Variants in PCDHGA2 observed in about 807,000 individuals in gnomAD.
PCDHGA2 encodes protocadherin gamma-A2.
PCDHGA2 carries 40 observed loss-of-function variants against 59.2 expected under a neutral mutation model. The observed-to-expected ratio is 0.68, with a 90% CI of 0.52 to 0.88. The LOEUF (loss-of-function observed/expected upper bound fraction) is 0.88, where lower values mean the gene tolerates loss of function less well. Among genes scored for constraint, PCDHGA2 ranks in the 40% least tolerant of loss-of-function variants. The pLI, the probability that PCDHGA2 is intolerant of heterozygous loss-of-function variation, is 0.00. For synonymous variants in PCDHGA2, 560 were observed against 526.0 expected, an observed-to-expected ratio of 1.06 and a Z score of -0.89; for missense variants, 1,226 against 1,204.0, an observed-to-expected ratio of 1.02 and a Z score of -0.27.
intron 1 of PCDHGA2, among the ~76,000 whole-genome samples, chr5:141,457,938 G>A (rs915640623): frequency 6.6e-6 from 1 of 152,160 alleles, no homozygotes; most frequent in African/African-American, 2.4e-5. Flanking sequence ...GCTTTTATTG[G>A]CTCTGCATGT....
At position 141,477,053 on chromosome 5, in the gene PCDHGA2, G is replaced by C; in HGVS notation, c.2425-17754G>C. ...GACAATCAAGGGTCGGCTGGACTTC[G>C]AGGACACCAAACTCCATGAGATTTA... On this transcript the variant is annotated intron_variant, in intron 1 of 3. Coordinates refer to ENST00000394576, the MANE Select transcript of PCDHGA2 (RefSeq NM_018915.4). This position sits in a 1 kb window ranked among gnomAD's most constrained non-coding sequence, Gnocchi z 4.9. The C allele has an allele frequency of 6.2e-7, 1 of 1,614,230 alleles. No homozygotes were observed. Among genetic ancestry groups the C allele is most frequent in the Non-Finnish European group, 8.5e-7 (1 of 1,180,032 alleles).
chr5:141,477,778 C>A lies in PCDHGA2; in HGVS notation c.2425-17029C>A. The stretch of plus-strand genomic sequence containing the variant: ...TCCTAGCCACCAACATCAGCGTGAA[C>A]ATATTTGTCACTGATCGCAATGACA... On this transcript the variant is annotated intron_variant, in intron 1 of 3. Coordinates refer to ENST00000394576, the MANE Select transcript of PCDHGA2 (RefSeq NM_018915.4). The surrounding 1 kb of genome is among the most constrained non-coding windows in gnomAD (Gnocchi z 4.9). The A allele has an allele frequency of 6.2e-7, 1 of 1,614,052 alleles. No individual in the cohort carries two copies. The highest frequency in any genetic ancestry group is 8.5e-7 in the Non-Finnish European group (1 of 1,180,040).
chr5:141,400,133 C>T, intron 1 of PCDHGA2: 1 of 1,614,066 alleles, frequency 6.2e-7, no homozygotes, highest in Non-Finnish European at 8.5e-7. Context: ...GAGGTGCTGC[C>T]GGATATCACT....
intron 1 of PCDHGA2, chr5:141,350,420 C>T: frequency 6.2e-7 from 1 of 1,606,742 alleles, no homozygotes; most frequent in Non-Finnish European, 8.5e-7. Flanking sequence ...GGATCTGGGG[C>T]TCAGTGTCCG....
At chr5:141,361,847 G>A (rs763425262) in intron 1 of PCDHGA2, 2 of 1,612,544 alleles carry the variant, frequency 1.2e-6, no homozygotes, top group South Asian at 1.1e-5. Context: ...GGGCCTGATG[G>A]CTCCGCCCTC....
intron 1 of PCDHGA2, chr5:141,341,608 C>T: frequency 1.0e-6 from 1 of 965,244 alleles, no homozygotes; most frequent in Non-Finnish European, 1.5e-6. Context: ...TGAATGTAAA[C>T]CAGGAGTTAA....
intron 1 of PCDHGA2, among the ~76,000 whole-genome samples, chr5:141,402,587 T>C (rs2094282900): frequency 1.3e-5 from 2 of 152,228 alleles, no homozygotes; most frequent in Non-Finnish European, 2.9e-5. Flanking sequence ...ATCTAAAAAA[T>C]AGATTGCTTT....
intron 3 of PCDHGA2, among the ~76,000 whole-genome samples, chr5:141,509,518 T>A (rs1441963133): frequency 6.6e-6 from 1 of 152,170 alleles, no homozygotes; most frequent in Non-Finnish European, 1.5e-5. Context: ...GTTGATGATG[T>A]ATTGCACAGG....
At chr5:141,481,077 G>A (rs1251064585) in intron 1 of PCDHGA2, among the ~76,000 whole-genome samples, 5 of 151,906 alleles carry the variant, frequency 3.3e-5, no homozygotes, top group Non-Finnish European at 7.4e-5. Context: ...AAGAAAGAAA[G>A]AAAAAAGAAA....
At chr5:141,389,883 C>A in intron 1 of PCDHGA2, 1 of 1,614,084 alleles carries the variant, frequency 6.2e-7, no homozygotes. Context: ...CGACAGCTTG[C>A]AGGAGGTGCT....
rs777325229 is a variant in PCDHGA2, at chr5:141,403,135, G to A, written c.2424+61740G>A. On this transcript the variant is annotated intron_variant, in intron 1 of 3. Transcript: ENST00000394576. ...CTCTGGAGCCCCGGGAGCTGGCGGA[G>A]CGCCGAGTCCGCATCGTCTCTAGAG... 8 of 1,613,948 alleles carry A rather than the reference G, an allele frequency of 5.0e-6. No homozygotes were observed. The African/African-American group carries it at 8.0e-5, about 16-fold the overall frequency.
In PCDHGA2 at chr5:141,371,669, C is replaced by T. The variant is rs766031996; in HGVS notation, c.2424+30274C>T. On this transcript the variant is annotated intron_variant, in intron 1 of 3. Coordinates refer to ENST00000394576, the MANE Select transcript of PCDHGA2 (RefSeq NM_018915.4). ...AATACAATGTGACGATCACAGCTAC[C>T]GACAAAGGCAATCCACCGCTCTCCT... 3 of 1,613,874 alleles carry T rather than the reference C, an allele frequency of 1.9e-6. No individual in the cohort carries two copies. The Admixed American group carries it at 5.0e-5, about 27-fold the overall frequency.
chr5:141,403,895 T>C, intron 1 of PCDHGA2: 1 of 1,613,884 alleles, frequency 6.2e-7, no homozygotes, highest in Non-Finnish European at 8.5e-7. Context: ...ATGTTCATTT[T>C]ATGAAATGGA....
At chr5:141,450,626 A>G (rs1474729472) in intron 1 of PCDHGA2, among the ~76,000 whole-genome samples, 1 of 151,438 alleles carries the variant, frequency 6.6e-6, no homozygotes, top group East Asian at 2.0e-4. Context: ...AGCTGGGATT[A>G]CAGATGCCTG....
At chr5:141,394,769 C>T in intron 1 of PCDHGA2, 1 of 1,613,514 alleles carries the variant, frequency 6.2e-7, no homozygotes, top group Non-Finnish European at 8.5e-7. Flanking sequence ...ATGGCCAGCC[C>T]CCTCTCTCCG....
chr5:141,427,768 A>C (rs1003238906), intron 1 of PCDHGA2: 4 of 1,393,994 alleles, frequency 2.9e-6, no homozygotes, highest in Non-Finnish European at 4.0e-6. Context: ...ACTGACTTGG[A>C]GCTGCGGGCA....
chr5:141,423,236 C>G, intron 1 of PCDHGA2: 1 of 1,613,920 alleles, frequency 6.2e-7, no homozygotes, highest in Non-Finnish European at 8.5e-7. Flanking sequence ...GACAGCATCC[C>G]CGAAGTCCTG....
In PCDHGA2 at chr5:141,447,157, T is replaced by A. The variant is rs569196292; in HGVS notation, c.2425-47650T>A. On this transcript the variant is annotated intron_variant, in intron 1 of 3. Transcript: ENST00000394576. The stretch of plus-strand genomic sequence containing the variant: ...TTTGTTTTTTGTTTTTGTTTTTGTT[T>A]AAGCGGGGTCTTGCTCTTGTCGCGC... Among the ~76,000 whole-genome samples the A allele has an allele frequency of 4.1e-4, 62 of 152,254 alleles. No homozygotes were observed. The South Asian group carries it at 0.013, about 31-fold the overall frequency.
At chr5:141,426,621 C>G (rs984316174) in intron 1 of PCDHGA2, 1 of 392,280 alleles carries the variant, frequency 2.5e-6, no homozygotes, top group Non-Finnish European at 5.2e-6. Flanking sequence ...AGAGAATCCT[C>G]TAAATGTTTT....
Sources: allele counts gnomAD v4.1 joint callset (sites outside exome capture counted in the v4.1 genomes callset), GRCh38; gene constraint gnomAD v4.1.1; non-coding constraint Gnocchi (gnomAD v3.1); transcripts MANE v1.5; gene names NCBI Gene and HGNC (gene_info 2026-07-23, HGNC 2026-07-21).